ARHGAP40: variants seen among roughly 807,000 people sequenced by gnomAD.
The protein encoded by ARHGAP40 is Rho GTPase activating protein 40, also known as rho GTPase-activating protein 40.
A neutral mutation model predicts 73.5 loss-of-function variants in ARHGAP40; 43 were observed. The ratio of observed to expected loss-of-function variants is 0.58; its 90% confidence interval spans 0.46 to 0.75. The LOEUF (loss-of-function observed/expected upper bound fraction) is 0.75, where lower values mean the gene tolerates loss of function less well. Ranked by LOEUF, ARHGAP40 falls within the 30% of genes least tolerant of loss-of-function variation. The pLI is 0.00. For missense variants in ARHGAP40, 734 were observed against 861.8 expected (o/e 0.85, Z 1.86); for synonymous variants, 300 against 352.8 (o/e 0.85, Z 1.68).
chr20:38,628,886 T>C, intron 3 of ARHGAP40, 41 bp from the exon 4 acceptor site: 9 of 1,271,368 alleles, frequency 7.1e-6, no homozygotes, highest in Non-Finnish European at 9.3e-6. Flanking sequence ...CATTGTCAGC[T>C]TCCCACATGA....
intron 5 of ARHGAP40, among the ~76,000 whole-genome samples, chr20:38,633,282 G>GAAT (rs548219531): frequency 2.6e-5 from 4 of 152,000 alleles, no homozygotes; most frequent in Non-Finnish European, 5.9e-5. Flanking sequence ...ACTCTCCTCT[G>GAAT]AATAATAATA....
rs1376906145 is a variant in ARHGAP40, at chr20:38,646,128, A to G, written c.1651A>G (p.Lys551Glu). The G allele has an allele frequency of 2.3e-6, 3 of 1,304,162 alleles. No individual in the cohort carries two copies. The highest frequency in any genetic ancestry group is 4.6e-5 in the Admixed American group (2 of 43,572). 80.8% of individuals were successfully genotyped at this position (1,304,162 alleles called of 1,614,324 possible). A position where few individuals can be genotyped will look rare whatever the true frequency, so the allele number is the denominator to read the frequency against. Reference sequence around the variant, plus strand: ...CCCCCAGCTCTGCGACGCAGGCCTCAAGACTTGGCTGCGGAGGATGCACGC... The same window carrying G: ...CCCCCAGCTCTGCGACGCAGGCCTCGAGACTTGGCTGCGGAGGATGCACGC... Residue 551 changes from lysine to glutamate, a missense_variant, in exon 12 of 15, where the codon AAG (lysine) becomes GAG (glutamate). By Grantham distance (56) the Lys-to-Glu change is moderately conservative. Transcript: ENST00000373345. This position sits in a 1 kb window ranked among gnomAD's most constrained non-coding sequence, Gnocchi z 4.5.
At chr20:38,602,524 C>T (rs998756216) in intron 1 of ARHGAP40, among the ~76,000 whole-genome samples, 12 of 152,136 alleles carry the variant, frequency 7.9e-5, no homozygotes, top group African/African-American at 2.9e-4. Flanking sequence ...TCCTGCTCAG[C>T]CTGCCACTGA....
At chr20:38,611,155 G>A (rs1360654991) in intron 1 of ARHGAP40, among the ~76,000 whole-genome samples, 3 of 152,104 alleles carry the variant, frequency 2.0e-5, no homozygotes, top group African/African-American at 7.2e-5. Context: ...CTCCCAAAGT[G>A]GAGGCAAGGC....
chr20:38,640,293 T>C (rs1363824234), intron 9 of ARHGAP40, among the ~76,000 whole-genome samples: 1 of 150,962 alleles, frequency 6.6e-6, no homozygotes, highest in African/African-American at 2.4e-5. Flanking sequence ...CCTAGCTCAC[T>C]GCAGCCTTGA....
intron 1 of ARHGAP40, among the ~76,000 whole-genome samples, 176 bp from the exon 2 acceptor site, chr20:38,623,183 C>G (rs75711876): frequency 0.023 from 3,577 of 152,252 alleles, 131 homozygotes; most frequent in African/African-American, 0.081. Flanking sequence ...CCAAGGATCC[C>G]GCAGGGGTGA....
chr20:38,618,257 G>A (rs536100230), intron 1 of ARHGAP40, among the ~76,000 whole-genome samples: 1 of 151,934 alleles, frequency 6.6e-6, no homozygotes, highest in Non-Finnish European at 1.5e-5. Flanking sequence ...CCGCCACCAC[G>A]CCCATTAATT....
In ARHGAP40 at chr20:38,639,279, A is replaced by T. The variant is rs1472239257; in HGVS notation, c.1172A>T (p.Asp391Val). The change falls in exon 9 of 15, where the codon GAC becomes GTC. Residue 391 changes from aspartate (D) to valine (V), a missense_variant. Physicochemically the swap from Asp to Val is radical, Grantham distance 152 (BLOSUM62 -3). Transcript: ENST00000373345. ...TTCTATGCTGGCCTTTTTAGCTGGGACGAGGTTCATCACAATGACGCCTCT... is the reference window on the plus strand; with the variant it reads ...TTCTATGCTGGCCTTTTTAGCTGGGTCGAGGTTCATCACAATGACGCCTCT... 2.3e-6 allele frequency: 3 copies of T among 1,305,326 alleles called. No individual in the cohort carries two copies. In the African/African-American group the frequency reaches 4.6e-5, roughly 20 times the overall value. 80.9% of individuals were successfully genotyped at this position (1,305,326 alleles called of 1,614,324 possible). A position where few individuals can be genotyped will look rare whatever the true frequency, so the allele number is the denominator to read the frequency against.
chr20:38,622,191 A>T (rs948025361), intron 1 of ARHGAP40, among the ~76,000 whole-genome samples: 1 of 152,176 alleles, frequency 6.6e-6, no homozygotes, highest in Non-Finnish European at 1.5e-5. Context: ...GGCAGTTCAA[A>T]CCACCTATGT....
rs867548908 is a variant in ARHGAP40 at position 38,629,540 on chromosome 20, G to A, written c.673G>A (p.Glu225Lys). The A allele has an allele frequency of 8.4e-6, 11 of 1,305,414 alleles. No individual in the cohort carries two copies. The highest frequency in any genetic ancestry group is 1.1e-5 in the Non-Finnish European group (11 of 988,960). The allele number at this position is 1,305,414 out of a possible 1,614,324, so 80.9% of individuals were successfully genotyped here. A position where few individuals can be genotyped will look rare whatever the true frequency, so the allele number is the denominator to read the frequency against. The stretch of plus-strand genomic sequence containing the variant: ...GGGGCTGCAGGAGCAGGCTGGGAGG[G>A]AAGAAGCCTTCAACATGGACTCTGC... The change falls in exon 5 of 15, where the codon GAA becomes AAA. Residue 225 changes from glutamate (E) to lysine (K), a missense_variant. Coordinates refer to ENST00000373345, the Ensembl canonical transcript of ARHGAP40.
At chr20:38,630,729 A>G (rs1286234321) in intron 5 of ARHGAP40, among the ~76,000 whole-genome samples, 1 of 152,108 alleles carries the variant, frequency 6.6e-6, no homozygotes, top group African/African-American at 2.4e-5. Context: ...TGTAATATGG[A>G]AAAAGAAAGA....
Position 38,623,261 on chromosome 20 carries a change from G to A in ARHGAP40, c.138-98G>A, listed in dbSNP as rs571202444. 17 of 979,158 alleles carry A rather than the reference G, an allele frequency of 1.7e-5. No individual in the cohort carries two copies. In the East Asian group the frequency reaches 1.0e-3, roughly 59 times the overall value. The allele number at this position is 979,158 out of a possible 1,614,324, so 60.7% of individuals were successfully genotyped here. On this transcript the variant is annotated intron_variant, in intron 1 of 14. Transcript: ENST00000373345. The stretch of plus-strand genomic sequence containing the variant: ...CCTAGGAAGCTTGCTTAGCCCCCAG[G>A]GGCCCAGGCTGATTTCTGGAGAGCC...
chr20:38,602,535 C>G (rs1256043852), intron 1 of ARHGAP40, among the ~76,000 whole-genome samples: 1 of 152,178 alleles, frequency 6.6e-6, no homozygotes, highest in Admixed American at 6.5e-5. Context: ...CTGCCACTGA[C>G]AGCCAGACCA....
chr20:38,637,429 T>C lies in ARHGAP40; in HGVS notation c.950-279T>C, dbSNP rs542881225. Among the ~76,000 whole-genome samples the C allele has an allele frequency of 3.9e-5, 6 of 152,254 alleles. No homozygotes were observed. In the East Asian group the frequency reaches 1.2e-3, roughly 29 times the overall value. ...CTCCCAAAGTGCTGGGATTACAGGC[T>C]TGAGCCACTGCACCCGGCCCTTTCA... On this transcript the variant is annotated intron_variant, in intron 6 of 14. Coordinates refer to ENST00000373345, the Ensembl canonical transcript of ARHGAP40.
intron 1 of ARHGAP40, among the ~76,000 whole-genome samples, chr20:38,612,167 A>G (rs753188811): frequency 5.3e-5 from 8 of 152,230 alleles, no homozygotes; most frequent in Non-Finnish European, 1.2e-4. Context: ...ACATTTTCAA[A>G]TATGAAGTCT....
intron 1 of ARHGAP40, among the ~76,000 whole-genome samples, chr20:38,617,075 A>G (rs1339392952): frequency 6.6e-6 from 1 of 152,132 alleles, no homozygotes; most frequent in Non-Finnish European, 1.5e-5. Context: ...CCAAAGCCCT[A>G]TTCACCACTT....
At chr20:38,643,426 T>A (rs886683708) in intron 10 of ARHGAP40, among the ~76,000 whole-genome samples, 1 of 152,182 alleles carries the variant, frequency 6.6e-6, no homozygotes, top group East Asian at 1.9e-4. Context: ...GTGGCCCTTT[T>A]CTACCTGGAA....
At chr20:38,615,123 A>T in intron 1 of ARHGAP40, 5 of 977,956 alleles carry the variant, frequency 5.1e-6, no homozygotes, top group Non-Finnish European at 8.3e-6. Flanking sequence ...ATCCTTGACC[A>T]GGGTCCGGAT....
At chr20:38,611,571 C>G (rs994009952) in intron 1 of ARHGAP40, among the ~76,000 whole-genome samples, 1 of 151,956 alleles carries the variant, frequency 6.6e-6, no homozygotes, top group Non-Finnish European at 1.5e-5. Context: ...TTATGCACAA[C>G]CACACTTGGC....
Sources: allele counts gnomAD v4.1 joint callset (sites outside exome capture counted in the v4.1 genomes callset), GRCh38; gene constraint gnomAD v4.1.1; non-coding constraint Gnocchi (gnomAD v3.1); transcripts MANE v1.5; gene names NCBI Gene and HGNC (gene_info 2026-07-23, HGNC 2026-07-21).